TTC33: variants seen among roughly 807,000 people sequenced by gnomAD.
TTC33 encodes the protein tetratricopeptide repeat domain 33.
Under a neutral mutation model 29.4 loss-of-function variants are expected in TTC33, and 24 were observed. That is an observed-to-expected ratio of 0.82 (90% CI 0.59 to 1.15). The LOEUF is 1.15. TTC33 is among the 50% of genes most tolerant of loss of function. The pLI, the probability that TTC33 is intolerant of heterozygous loss-of-function variation, is 0.00. For missense variants in TTC33, 286 were observed against 310.4 expected (o/e 0.92, Z 0.59); for synonymous variants, 107 against 100.3 (o/e 1.07, Z -0.40).
At chr5:40,739,251 C>T (rs1742641305) in intron 2 of TTC33, among the ~76,000 whole-genome samples, 1 of 152,206 alleles carries the variant, frequency 6.6e-6, no homozygotes, top group Admixed American at 6.5e-5. Context: ...TGCATTTCCA[C>T]ATAAACTTTA....
chr5:40,722,836 G>A (rs1222247551), intron 4 of TTC33, among the ~76,000 whole-genome samples: 5 of 149,432 alleles, frequency 3.3e-5, no homozygotes, highest in African/African-American at 9.9e-5. Context: ...GCCCCCACCC[G>A]GCCAGCTGCC....
intron 2 of TTC33, among the ~76,000 whole-genome samples, chr5:40,741,106 T>G (rs1475739486): frequency 6.6e-6 from 1 of 152,252 alleles, no homozygotes; most frequent in Non-Finnish European, 1.5e-5. Flanking sequence ...AGTTTCCAAC[T>G]CTTTGGCATG....
Position 40,712,799 on chromosome 5 carries a change from G to GT in TTC33, c.*3345dup, listed in dbSNP as rs1250545634. Among the ~76,000 whole-genome samples, 1 of 152,088 alleles carries GT rather than the reference G, an allele frequency of 6.6e-6. No homozygotes were observed. Among genetic ancestry groups the GT allele is most frequent in the Non-Finnish European group, 1.5e-5 (1 of 68,004 alleles). Reference sequence around the variant, plus strand: ...GTAAATGGATAGCCTAAGAAGCACTGTGAGAGGAAGCCATCCTTACCCGCC... The same window carrying GT: ...GTAAATGGATAGCCTAAGAAGCACTGTTGAGAGGAAGCCATCCTTACCCGCC... On this transcript the variant is annotated 3_prime_UTR_variant, in exon 5 of 5. Coordinates refer to ENST00000337702, the MANE Select transcript of TTC33 (RefSeq NM_012382.3).
At chr5:40,727,196 GT>G (rs1365924146) in intron 4 of TTC33, among the ~76,000 whole-genome samples, 2 of 152,146 alleles carry the variant, frequency 1.3e-5, no homozygotes, top group African/African-American at 4.8e-5. Context: ...CTGTTAGTAA[GT>G]TTATATTTTG....
intron 2 of TTC33, among the ~76,000 whole-genome samples, chr5:40,744,486 A>G (rs1364923712): frequency 2.0e-5 from 1 of 50,082 alleles, no homozygotes; most frequent in Non-Finnish European, 3.4e-5. Flanking sequence ...CACTCTTACC[A>G]GTTTTTTTTT....
intron 2 of TTC33, among the ~76,000 whole-genome samples, chr5:40,745,582 T>C (rs937910110): frequency 3.3e-5 from 5 of 151,832 alleles, no homozygotes; most frequent in Admixed American, 6.6e-5. Context: ...TGGAACCCAA[T>C]AGCAGAGTCA....
chr5:40,742,562 C>T lies in TTC33; in HGVS notation c.221+4236G>A, dbSNP rs369799198. On this transcript the variant is annotated intron_variant, in intron 2 of 4. Transcript: ENST00000337702. ...TGGCACTAATGCCAGACCATAATCACTGTATTGTAAAATCTGTTGTTATTT... is the reference window on the plus strand; with the variant it reads ...TGGCACTAATGCCAGACCATAATCATTGTATTGTAAAATCTGTTGTTATTT... Among the ~76,000 whole-genome samples the T allele has an allele frequency of 6.6e-5, 10 of 152,272 alleles. No individual in the cohort carries two copies. The East Asian group carries it at 1.9e-3, about 29-fold the overall frequency.
intron 4 of TTC33, among the ~76,000 whole-genome samples, chr5:40,720,666 C>T (rs1380772879): frequency 6.6e-6 from 1 of 152,108 alleles, no homozygotes; most frequent in Non-Finnish European, 1.5e-5. Context: ...AATTCAGCAA[C>T]AATTCACAAA....
At chr5:40,717,143 C>T (rs752543537) in intron 4 of TTC33, among the ~76,000 whole-genome samples, 14 of 149,650 alleles carry the variant, frequency 9.4e-5, no homozygotes, top group East Asian at 5.9e-4. Flanking sequence ...GCAGGAGAAT[C>T]GCTTGAACCC....
chr5:40,743,292 G>C (rs1376524803), intron 2 of TTC33, among the ~76,000 whole-genome samples: 2 of 152,156 alleles, frequency 1.3e-5, no homozygotes. Flanking sequence ...TTTTCAGACA[G>C]AGTCATAGCA....
In TTC33 at chr5:40,725,784, C is replaced by CTT. The variant is rs35070396; in HGVS notation, c.435+2559_435+2560dup. ...TAACTCCCAGAACCATTCTCTTCAG[C>CTT]TTTTTTTTTTTTTTTTTTTTGAGAC... On this transcript the variant is annotated intron_variant, in intron 4 of 4. Coordinates refer to ENST00000337702, the MANE Select transcript of TTC33 (RefSeq NM_012382.3). 1.8e-3 allele frequency among the ~76,000 whole-genome samples: 224 copies of CTT among 126,034 alleles called. 5 individuals are homozygous for CTT. The highest frequency in any genetic ancestry group is 5.3e-3 in the African/African-American group (179 of 33,800). 82.7% of individuals were successfully genotyped at this position (126,034 alleles called of 152,430 possible). A position where few individuals can be genotyped will look rare whatever the true frequency, so the allele number is the denominator to read the frequency against.
chr5:40,723,864 CA>C (rs200612315), intron 4 of TTC33, among the ~76,000 whole-genome samples: 2 of 149,440 alleles, frequency 1.3e-5, no homozygotes, highest in Non-Finnish European at 1.5e-5. Context: ...GATTCCCTCT[CA>C]AAAAAAAACA....
intron 1 of TTC33, among the ~76,000 whole-genome samples, chr5:40,754,778 C>G (rs7730023): frequency 0.01 from 1,588 of 152,260 alleles, 22 homozygotes; most frequent in African/African-American, 0.033. Flanking sequence ...CTTAGCCAGG[C>G]TTAAAAAGGT....
chr5:40,719,988 T>C (rs1365446978), intron 4 of TTC33, among the ~76,000 whole-genome samples: 3 of 152,236 alleles, frequency 2.0e-5, no homozygotes, highest in East Asian at 1.9e-4. Flanking sequence ...ATTCTGTGAA[T>C]TGCCTTTTCA....
chr5:40,741,395 C>T (rs938346715), intron 2 of TTC33, among the ~76,000 whole-genome samples: 2 of 152,196 alleles, frequency 1.3e-5, no homozygotes, highest in Non-Finnish European at 2.9e-5. Flanking sequence ...TAGCTCTCCG[C>T]TCTGTATGAA....
intron 2 of TTC33, among the ~76,000 whole-genome samples, chr5:40,733,308 G>C (rs558750379): frequency 5.2e-4 from 79 of 152,176 alleles, no homozygotes; most frequent in South Asian, 1.2e-3. Flanking sequence ...GCATAGTAAA[G>C]GTCCATATAG....
intron 4 of TTC33, among the ~76,000 whole-genome samples, chr5:40,724,053 T>A (rs1177741659): frequency 6.6e-6 from 1 of 152,146 alleles, no homozygotes; most frequent in Non-Finnish European, 1.5e-5. Flanking sequence ...AGAATCAAGA[T>A]CTCAAAGAGA....
intron 4 of TTC33, among the ~76,000 whole-genome samples, chr5:40,719,450 C>A (rs527527997): frequency 6.6e-6 from 1 of 152,240 alleles, no homozygotes; most frequent in South Asian, 2.1e-4. Context: ...ATCTATTTGT[C>A]AGTTGATGGC....
In TTC33 at chr5:40,746,955, A is replaced by G; in HGVS notation, c.64T>C (p.Phe22Leu). ...TTCTCATCAGCAGCTTCAGCTTCAA[A>G]CTGCTGGGAAGTGACCTTTGAGACC... ...EKVSKVTSQQ[F>L]EAEAADEKDV... Residue 22 changes from phenylalanine to leucine, a missense_variant, in exon 2 of 5, where the codon TTT (phenylalanine) becomes CTT (leucine). Physicochemically the swap from Phe to Leu is conservative, Grantham distance 22 (BLOSUM62 0). Coordinates refer to ENST00000337702, the MANE Select transcript of TTC33 (RefSeq NM_012382.3). The G allele has an allele frequency of 6.2e-7, 1 of 1,614,154 alleles. No homozygotes were observed. The highest frequency in any genetic ancestry group is 8.5e-7 in the Non-Finnish European group (1 of 1,180,030).
Sources: allele counts gnomAD v4.1 joint callset (sites outside exome capture counted in the v4.1 genomes callset), GRCh38; gene constraint gnomAD v4.1.1; transcripts MANE v1.5; gene names NCBI Gene and HGNC (gene_info 2026-07-23, HGNC 2026-07-21).